Variants in DAB1 observed in about 807,000 individuals in gnomAD.
The protein encoded by DAB1 is disabled homolog 1.
Under a neutral mutation model 64.6 loss-of-function variants are expected in DAB1, and 15 were observed. The observed-to-expected ratio is 0.23, with a 90% CI of 0.16 to 0.36. DAB1 has a LOEUF of 0.36. DAB1 is among the 10% of genes least tolerant of loss of function. The pLI is 1.00. For synonymous variants in DAB1, 235 were observed against 251.9 expected (o/e 0.93, Z 0.64); for missense variants, 596 against 706.7 (o/e 0.84, Z 1.78).
intron 4 of DAB1, among the ~76,000 whole-genome samples, chr1:58,178,169 A>C (rs560108120): frequency 6.6e-6 from 1 of 152,096 alleles, no homozygotes; most frequent in East Asian, 1.9e-4. Context: ...CCTTCTCTCA[A>C]TCTTTTCCAA....
At chr1:58,118,413 C>A (rs1371223887) in intron 5 of DAB1, among the ~76,000 whole-genome samples, 1 of 123,844 alleles carries the variant, frequency 8.1e-6, no homozygotes, top group African/African-American at 3.2e-5. Context: ...TAATAATAAT[C>A]ATACTAGATA....
intron 5 of DAB1, among the ~76,000 whole-genome samples, chr1:57,924,626 AT>A (rs34750244): frequency 0.085 from 11,226 of 131,378 alleles, 491 homozygotes; most frequent in East Asian, 0.12. Flanking sequence ...CACTTGGCTA[AT>A]TTTTTTTTTT....
intron 6 of DAB1, among the ~76,000 whole-genome samples, chr1:57,680,005 C>T (rs1297636535): frequency 1.3e-5 from 2 of 152,150 alleles, no homozygotes; most frequent in Non-Finnish European, 2.9e-5. Context: ...GGAATTAGAA[C>T]CCAGTTCTTC....
chr1:58,286,509 C>T (rs1661686785), intron 4 of DAB1, among the ~76,000 whole-genome samples: 1 of 152,114 alleles, frequency 6.6e-6, no homozygotes, highest in East Asian at 1.9e-4. Context: ...GGACAAAGGA[C>T]ATGAACAGAC....
chr1:57,949,481 AT>A (rs1645235309), intron 5 of DAB1, among the ~76,000 whole-genome samples: 1 of 149,990 alleles, frequency 6.7e-6, no homozygotes, highest in African/African-American at 2.5e-5. Flanking sequence ...CTATCTATCT[AT>A]CTATCTATCT....
intron 1 of DAB1, among the ~76,000 whole-genome samples, chr1:57,314,553 G>C (rs531014844): frequency 1.3e-5 from 2 of 152,260 alleles, no homozygotes; most frequent in Admixed American, 1.3e-4. Flanking sequence ...AGGATCTAAT[G>C]AATGTTCACT....
At chr1:58,415,911 T>TA (rs1644715290) in intron 3 of DAB1, among the ~76,000 whole-genome samples, 1 of 152,168 alleles carries the variant, frequency 6.6e-6, no homozygotes, top group Non-Finnish European at 1.5e-5. Flanking sequence ...TAAATAGAGT[T>TA]ATAATTAGAC....
At chr1:57,197,381 C>T (rs1455340190) in intron 2 of DAB1, among the ~76,000 whole-genome samples, 1 of 151,600 alleles carries the variant, frequency 6.6e-6, no homozygotes, top group Admixed American at 6.6e-5. Flanking sequence ...AAAAACTTGA[C>T]CGAAACCACA....
intron 1 of DAB1, among the ~76,000 whole-genome samples, chr1:57,372,564 T>C (rs532074501): frequency 5.3e-5 from 8 of 152,278 alleles, no homozygotes; most frequent in African/African-American, 1.9e-4. Context: ...TAATGACCTC[T>C]GGCTGACTTT....
chr1:57,454,831 C>T (rs1253580780), intron 7 of DAB1, among the ~76,000 whole-genome samples: 2 of 152,024 alleles, frequency 1.3e-5, no homozygotes, highest in East Asian at 3.9e-4. Flanking sequence ...AGTAATTAAG[C>T]TGAGCACTGG....
chr1:57,926,296 T>C (rs1361760513), intron 5 of DAB1, among the ~76,000 whole-genome samples: 2 of 152,262 alleles, frequency 1.3e-5, no homozygotes, highest in Non-Finnish European at 2.9e-5. Flanking sequence ...CCAGATTTTA[T>C]GATACCCTTG....
chr1:57,074,021 C>T (rs1036310559), intron 4 of DAB1, among the ~76,000 whole-genome samples: 1 of 152,126 alleles, frequency 6.6e-6, no homozygotes, highest in South Asian at 2.1e-4. Context: ...GGACTACAGG[C>T]ATATGCCACC....
At chr1:58,048,946 A>G in intron 5 of DAB1, 1 of 859,054 alleles carries the variant, frequency 1.2e-6, no homozygotes, top group Non-Finnish European at 2.0e-6. Flanking sequence ...GATGTTCTTC[A>G]GTGTCTTCTT....
intron 2 of DAB1, among the ~76,000 whole-genome samples, chr1:57,184,633 C>A (rs1010544368): frequency 1.5e-4 from 23 of 152,180 alleles, no homozygotes. Flanking sequence ...CCCACCTATT[C>A]TGAAGCCTTC....
At chr1:57,383,941 A>G (rs1681582264) in intron 1 of DAB1, among the ~76,000 whole-genome samples, 1 of 152,258 alleles carries the variant, frequency 6.6e-6, no homozygotes, top group African/African-American at 2.4e-5. Flanking sequence ...TCTATGCATC[A>G]AAGGACATGA....
chr1:57,864,586 T>C (rs1307347861), intron 1 of DAB1: 2 of 152,052 alleles, frequency 1.3e-5, no homozygotes, highest in African/African-American at 4.8e-5. Context: ...TCCAGCAGTA[T>C]GATTGGGGGT....
chr1:57,821,861 C>T (rs1305572561), downstream of DAB1, among the ~76,000 whole-genome samples: 1 of 152,194 alleles, frequency 6.6e-6, no homozygotes, highest in Admixed American at 6.5e-5. Context: ...AAAGTGTTAA[C>T]TGAGCCCCTG....
intron 7 of DAB1, among the ~76,000 whole-genome samples, chr1:57,478,241 T>A (rs1185580229): frequency 6.6e-6 from 1 of 152,164 alleles, no homozygotes; most frequent in Non-Finnish European, 1.5e-5. Context: ...AAGGCTCTCA[T>A]AATGTATTTG....
chr1:57,743,753 G>A (rs1380210152), intron 6 of DAB1, among the ~76,000 whole-genome samples: 1 of 152,206 alleles, frequency 6.6e-6, no homozygotes, highest in Non-Finnish European at 1.5e-5. Context: ...GAAATATAGA[G>A]GTGTGAAGTG....
Sources: allele counts gnomAD v4.1 joint callset (sites outside exome capture counted in the v4.1 genomes callset), GRCh38; gene constraint gnomAD v4.1.1; transcripts MANE v1.5; gene names NCBI Gene and HGNC (gene_info 2026-07-23, HGNC 2026-07-21).